Variants in GRM8 observed in about 807,000 individuals in gnomAD.
GRM8 encodes the protein metabotropic glutamate receptor 8.
Under a neutral mutation model 87.2 loss-of-function variants are expected in GRM8, and 47 were observed. The ratio of observed to expected loss-of-function variants is 0.54; its 90% CI spans 0.43 to 0.69. GRM8 has a LOEUF of 0.69. Ranked by LOEUF, GRM8 falls within the 30% of genes least tolerant of loss-of-function variation. The pLI is 0.00. For missense variants in GRM8, 1,019 were observed against 1,139.2 expected (o/e 0.89, Z 1.52); for synonymous variants, 396 against 404.5 (o/e 0.98, Z 0.25).
chr7:126,622,967 ATT>A (rs1298104302), intron 7 of GRM8, among the ~76,000 whole-genome samples: 3 of 152,118 alleles, frequency 2.0e-5, no homozygotes, highest in Non-Finnish European at 4.4e-5. Context: ...TTGTTTGATA[ATT>A]ATCTCAGACA....
At chr7:126,854,729 C>T (rs1024320028) in intron 6 of GRM8, among the ~76,000 whole-genome samples, 2 of 152,160 alleles carry the variant, frequency 1.3e-5, no homozygotes, top group African/African-American at 4.8e-5. Flanking sequence ...GCTTCTGTAG[C>T]TAGTTGGAAT....
intron 2 of GRM8, among the ~76,000 whole-genome samples, chr7:127,185,736 A>T (rs1005017564): frequency 3.3e-5 from 5 of 152,180 alleles, no homozygotes; most frequent in African/African-American, 1.2e-4. Flanking sequence ...GGAGATTAAG[A>T]AGGAAGAGAT....
chr7:126,481,677 GA>G (rs1584767893), intron 9 of GRM8, among the ~76,000 whole-genome samples: 2 of 151,914 alleles, frequency 1.3e-5, no homozygotes, highest in South Asian at 2.1e-4. Context: ...GTCACAGATT[GA>G]AAAAAACCAA....
chr7:126,963,017 T>C (rs919809649), intron 3 of GRM8, among the ~76,000 whole-genome samples: 2 of 152,232 alleles, frequency 1.3e-5, no homozygotes, highest in Admixed American at 6.5e-5. Flanking sequence ...ACATTACCTG[T>C]GTTTACATCA....
In GRM8 at chr7:126,462,585, G is replaced by A. The variant is rs972693621; in HGVS notation, c.2431-16213C>T. Among the ~76,000 whole-genome samples the A allele has an allele frequency of 4.6e-5, 7 of 151,540 alleles. No homozygotes were observed. The East Asian group carries it at 1.4e-3, about 29-fold the overall frequency. On this transcript the variant is annotated intron_variant, in intron 9 of 10. Transcript: ENST00000339582. ...ACATAAAACATTTTTAAGTTGGAAG[G>A]CCATCTGGATGCTATTATTAAAACT...
intron 7 of GRM8, among the ~76,000 whole-genome samples, chr7:126,722,973 A>T (rs954839797): frequency 7.2e-6 from 1 of 138,312 alleles, no homozygotes; most frequent in Non-Finnish European, 1.6e-5. Flanking sequence ...TAAATATATA[A>T]TTTACATATA....
chr7:126,642,927 A>G (rs1368601219), intron 7 of GRM8, among the ~76,000 whole-genome samples: 2 of 152,148 alleles, frequency 1.3e-5, no homozygotes, highest in African/African-American at 4.8e-5. Context: ...GTTAATATTA[A>G]TGAGTGCCAA....
intron 7 of GRM8, among the ~76,000 whole-genome samples, chr7:126,764,716 C>T (rs1005769254): frequency 1.3e-5 from 2 of 152,026 alleles, no homozygotes; most frequent in African/African-American, 2.4e-5. Context: ...CAACTCACTG[C>T]TGAGTTTAGG....
intron 9 of GRM8, among the ~76,000 whole-genome samples, chr7:126,486,329 G>A (rs1016028437): frequency 3.3e-5 from 5 of 151,964 alleles, no homozygotes; most frequent in African/African-American, 1.2e-4. Context: ...AATGAACATG[G>A]GACACATGTA....
chr7:126,518,570 G>T (rs1337386789), intron 9 of GRM8, among the ~76,000 whole-genome samples: 1 of 152,036 alleles, frequency 6.6e-6, no homozygotes, highest in Non-Finnish European at 1.5e-5. Flanking sequence ...CTTGGGAAAA[G>T]TAATTCGGAT....
intron 7 of GRM8, among the ~76,000 whole-genome samples, chr7:126,665,619 G>A (rs1484182231): frequency 6.6e-6 from 1 of 151,464 alleles, no homozygotes; most frequent in Non-Finnish European, 1.5e-5. Flanking sequence ...AAGAAGGAGG[G>A]CGGAAGACGC....
At chr7:126,633,761 C>T (rs1052036208) in intron 7 of GRM8, among the ~76,000 whole-genome samples, 2 of 124,498 alleles carry the variant, frequency 1.6e-5, no homozygotes, top group African/African-American at 5.3e-5. Context: ...ATAGAATGTT[C>T]ATATTAATCT....
chr7:126,611,378 C>T (rs1205325992), intron 7 of GRM8, among the ~76,000 whole-genome samples: 1 of 152,178 alleles, frequency 6.6e-6, no homozygotes, highest in Non-Finnish European at 1.5e-5. Context: ...GTGCTTAGAA[C>T]AGTGCATGGG....
intron 9 of GRM8, among the ~76,000 whole-genome samples, chr7:126,458,935 T>C (rs1054347331): frequency 1.3e-5 from 2 of 150,850 alleles, no homozygotes; most frequent in African/African-American, 4.9e-5. Flanking sequence ...GAAGGAAAAT[T>C]TAAAGTCCAA....
chr7:126,864,116 C>T (rs28609395), intron 6 of GRM8, among the ~76,000 whole-genome samples: 1,826 of 149,346 alleles, frequency 0.012, 41 homozygotes, highest in African/African-American at 0.043. Context: ...AGCAATCCTC[C>T]TGCCTCAGCC....
chr7:127,057,759 T>A (rs1279953869), intron 3 of GRM8, among the ~76,000 whole-genome samples: 1 of 151,970 alleles, frequency 6.6e-6, no homozygotes, highest in Admixed American at 6.6e-5. Flanking sequence ...TTATATTTTC[T>A]AAATCTCATT....
At chr7:126,614,702 A>G (rs1799269632) in intron 7 of GRM8, among the ~76,000 whole-genome samples, 1 of 152,236 alleles carries the variant, frequency 6.6e-6, no homozygotes, top group Non-Finnish European at 1.5e-5. Flanking sequence ...GCTGAAAACT[A>G]TGGCACGAGA....
intron 3 of GRM8, among the ~76,000 whole-genome samples, chr7:126,998,477 C>T (rs546870647): frequency 1.3e-5 from 2 of 151,810 alleles, no homozygotes; most frequent in African/African-American, 4.8e-5. Context: ...AGGAAAAAAT[C>T]AAATTGTCCT....
intron 2 of GRM8, among the ~76,000 whole-genome samples, chr7:127,181,350 CACAA>C (rs1283423060): frequency 2.6e-5 from 4 of 152,022 alleles, no homozygotes; most frequent in African/African-American, 9.7e-5. Context: ...TCATAGATGA[CACAA>C]ACAAATGGAA....
Sources: allele counts gnomAD v4.1 joint callset (sites outside exome capture counted in the v4.1 genomes callset), GRCh38; gene constraint gnomAD v4.1.1; transcripts MANE v1.5; gene names NCBI Gene and HGNC (gene_info 2026-07-23, HGNC 2026-07-21).